Variants in CTNNBIP1 observed in about 807,000 individuals in gnomAD.
The protein encoded by CTNNBIP1 is beta-catenin-interacting protein 1.
In CTNNBIP1, 7 loss-of-function variants were observed where a neutral mutation model predicts 11.8. That is an observed-to-expected ratio of 0.60 (90% CI 0.34 to 1.12). The LOEUF (loss-of-function observed/expected upper bound fraction) is 1.12, where lower values mean the gene tolerates loss of function less well. Ranked by LOEUF, CTNNBIP1 falls within the 50% of genes most tolerant of loss-of-function variation. CTNNBIP1 has a pLI of 0.03. For missense variants in CTNNBIP1, 101 were observed against 113.4 expected, an observed-to-expected ratio of 0.89 and a Z score of 0.50; for synonymous variants, 58 against 43.9, an observed-to-expected ratio of 1.32 and a Z score of -1.26.
chr1:9,884,698 G>A (rs183166427), intron 1 of CTNNBIP1, among the ~76,000 whole-genome samples: 2 of 152,302 alleles, frequency 1.3e-5, no homozygotes, highest in East Asian at 1.9e-4. Flanking sequence ...AGAGAGGGGA[G>A]GGCAGACAAT....
At chr1:9,902,574 G>A (rs1639541833) in intron 1 of CTNNBIP1, among the ~76,000 whole-genome samples, 1 of 152,026 alleles carries the variant, frequency 6.6e-6, no homozygotes, top group Non-Finnish European at 1.5e-5. Context: ...AGCCAACCCA[G>A]CCCCCCACCT....
At chr1:9,869,718 C>T (rs553078231) in intron 5 of CTNNBIP1, among the ~76,000 whole-genome samples, 1 of 152,280 alleles carries the variant, frequency 6.6e-6, no homozygotes, top group East Asian at 1.9e-4. Flanking sequence ...GCTTTCTTAC[C>T]ATCCGAGCTC....
In CTNNBIP1 at chr1:9,851,803, C is replaced by G. The variant is rs1364633491; in HGVS notation, c.188-1027G>C. On this transcript the variant is annotated intron_variant, in intron 5 of 5. Coordinates refer to ENST00000377263, the MANE Select transcript of CTNNBIP1 (RefSeq NM_020248.3). The surrounding 1 kb of genome is among the most constrained non-coding windows in gnomAD (Gnocchi z 4.8). ...CAGGCAGTGGCAGGAGGGCAAAGCT[C>G]GAAATGCTGACCTGCCACCCACACC... 6.6e-6 allele frequency among the ~76,000 whole-genome samples: 1 copy of G among 152,158 alleles called. No homozygotes were observed. Among genetic ancestry groups the G allele is most frequent in the Non-Finnish European group, 1.5e-5 (1 of 68,036 alleles).
chr1:9,889,676 G>A (rs1639258868), intron 1 of CTNNBIP1, among the ~76,000 whole-genome samples: 1 of 152,178 alleles, frequency 6.6e-6, no homozygotes, highest in Non-Finnish European at 1.5e-5. Context: ...TCTGAGAAAT[G>A]TTCACCACCA....
chr1:9,879,208 T>A (rs992849822), intron 2 of CTNNBIP1, among the ~76,000 whole-genome samples: 5 of 146,574 alleles, frequency 3.4e-5, no homozygotes, highest in African/African-American at 1.0e-4. Flanking sequence ...AAAAAAAAAA[T>A]GGGTGCTTTT....
intron 1 of CTNNBIP1, among the ~76,000 whole-genome samples, chr1:9,908,572 C>T (rs1358295418): frequency 6.6e-6 from 1 of 151,784 alleles, no homozygotes; most frequent in African/African-American, 2.4e-5. Flanking sequence ...TATGGGGTTT[C>T]ACCGTGGTCT....
rs114136711 is a variant in CTNNBIP1, at chr1:9,886,302, G to A, written c.-143-2564C>T. Reference sequence around the variant, plus strand: ...TCAGACTGGGTGCGTTTCTGCTGGAGGGCTGTCTGCACATTGCAGAAGCTG... The same window carrying A: ...TCAGACTGGGTGCGTTTCTGCTGGAAGGCTGTCTGCACATTGCAGAAGCTG... On this transcript the variant is annotated intron_variant, in intron 1 of 5. Transcript: ENST00000377263. 2.5e-3 allele frequency among the ~76,000 whole-genome samples: 385 copies of A among 152,276 alleles called. 1 individual carries two copies. The highest frequency in any genetic ancestry group is 8.2e-3 in the African/African-American group (340 of 41,548).
At chr1:9,880,122 T>A (rs1465121443) in intron 2 of CTNNBIP1, among the ~76,000 whole-genome samples, 1 of 151,734 alleles carries the variant, frequency 6.6e-6, no homozygotes, top group Non-Finnish European at 1.5e-5. Context: ...ATGCTCTCCC[T>A]CCCCTTGCCC....
chr1:9,895,612 C>A (rs963144471), intron 1 of CTNNBIP1, among the ~76,000 whole-genome samples: 1 of 152,196 alleles, frequency 6.6e-6, no homozygotes, highest in Non-Finnish European at 1.5e-5. Context: ...TCCATTGCCT[C>A]AGTCTCTCGA....
chr1:9,871,907 A>G lies in CTNNBIP1; in HGVS notation c.96+62T>C. The stretch of plus-strand genomic sequence containing the variant: ...TGGCTCCACCCTCCAATAGCCCAGC[A>G]GGGCCCCTCCCTGGGAGACCCTCCC... On this transcript the variant is annotated intron_variant, in intron 4 of 5. Transcript: ENST00000377263. This position sits in a 1 kb window ranked among gnomAD's most constrained non-coding sequence, Gnocchi z 5.2. The G allele has an allele frequency of 9.1e-6, 13 of 1,429,858 alleles. No homozygotes were observed. Among genetic ancestry groups the G allele is most frequent in the Non-Finnish European group, 1.3e-5 (13 of 1,014,024 alleles). The allele number at this position is 1,429,858 out of a possible 1,614,324, so 88.6% of individuals were successfully genotyped here.
intron 5 of CTNNBIP1, among the ~76,000 whole-genome samples, chr1:9,852,536 G>A (rs991456634): frequency 3.9e-5 from 6 of 152,144 alleles, no homozygotes; most frequent in East Asian, 1.9e-4. Flanking sequence ...TTCTGTTTTC[G>A]CCTGAGCCCT....
intron 3 of CTNNBIP1, among the ~76,000 whole-genome samples, chr1:9,873,379 G>C (rs1478934495): frequency 6.6e-6 from 1 of 152,142 alleles, no homozygotes; most frequent in African/African-American, 2.4e-5. Flanking sequence ...CCTCAGGAAT[G>C]GTCTCTGATG....
intron 5 of CTNNBIP1, 139 bp from the exon 6 acceptor site, chr1:9,850,915 G>A: frequency 1.3e-6 from 1 of 790,640 alleles, no homozygotes; most frequent in East Asian, 2.5e-5. Context: ...TACTTCCGAG[G>A]AAGTCTTCCT....
chr1:9,909,106 G>A (rs557573685), intron 1 of CTNNBIP1, among the ~76,000 whole-genome samples: 1 of 152,240 alleles, frequency 6.6e-6, no homozygotes. Context: ...CCCAGTGGTT[G>A]TAGCAGGGAG....
rs1211064395 is a variant in CTNNBIP1, at chr1:9,851,131, G to A, written c.188-355C>T. Among the ~76,000 whole-genome samples the A allele has an allele frequency of 1.3e-5, 2 of 152,208 alleles. No individual in the cohort carries two copies. Among genetic ancestry groups the A allele is most frequent in the Admixed American group, 6.5e-5 (1 of 15,288 alleles). On this transcript the variant is annotated intron_variant, in intron 5 of 5. Coordinates refer to ENST00000377263, the MANE Select transcript of CTNNBIP1 (RefSeq NM_020248.3). The surrounding 1 kb of genome is among the most constrained non-coding windows in gnomAD (Gnocchi z 4.8). ...CTCCAGAGTTACCAAAGCCAGAGGC[G>A]GGGTGGCCCTTGGGAACCTCCCTCT...
intron 5 of CTNNBIP1, among the ~76,000 whole-genome samples, chr1:9,869,621 G>A (rs80201303): frequency 0.028 from 4,225 of 152,212 alleles, 84 homozygotes; most frequent in Middle Eastern, 0.051. Context: ...CACCGTACCC[G>A]GCCTGTTGCT....
At chr1:9,881,586 G>C (rs181364973) in intron 2 of CTNNBIP1, among the ~76,000 whole-genome samples, 1 of 151,900 alleles carries the variant, frequency 6.6e-6, no homozygotes, top group Non-Finnish European at 1.5e-5. Context: ...TGATCCGCCC[G>C]CCTCAGTCTC....
At chr1:9,895,505 G>C (rs1041521191) in intron 1 of CTNNBIP1, among the ~76,000 whole-genome samples, 3 of 151,176 alleles carry the variant, frequency 2.0e-5, no homozygotes, top group African/African-American at 7.3e-5. Context: ...GCCTAGTTTT[G>C]TTTTGTTTTG....
At chr1:9,860,655 T>C (rs1230361702) in intron 5 of CTNNBIP1, among the ~76,000 whole-genome samples, 2 of 150,408 alleles carry the variant, frequency 1.3e-5, no homozygotes, top group African/African-American at 4.9e-5. Context: ...ATCAGGATTC[T>C]TCCAGGCCCA....
Sources: allele counts gnomAD v4.1 joint callset (sites outside exome capture counted in the v4.1 genomes callset), GRCh38; gene constraint gnomAD v4.1.1; non-coding constraint Gnocchi (gnomAD v3.1); transcripts MANE v1.5; gene names NCBI Gene and HGNC (gene_info 2026-07-23, HGNC 2026-07-21).